DPYD: variants seen among roughly 807,000 people sequenced by gnomAD.
DPYD encodes the protein dihydropyrimidine dehydrogenase, also known as dihydropyrimidine dehydrogenase [NADP(+)].
A neutral mutation model predicts 116.2 loss-of-function variants in DPYD; 109 were observed. The ratio of observed to expected loss-of-function variants is 0.94; its 90% CI spans 0.80 to 1.10. The LOEUF is 1.10. DPYD is among the 50% of genes least tolerant of loss of function. DPYD has a pLI of 0.00. For missense variants in DPYD, 1,302 were observed against 1,254.5 expected (o/e 1.04, Z -0.57); for synonymous variants, 440 against 432.0 (o/e 1.02, Z -0.23).
At chr1:97,846,888 T>C (rs965232456) in intron 2 of DPYD, among the ~76,000 whole-genome samples, 2 of 152,202 alleles carry the variant, frequency 1.3e-5, no homozygotes, top group Admixed American at 1.3e-4. Context: ...CATCGTATGT[T>C]TTCATAACAG....
chr1:97,842,658 G>T (rs1167628186), intron 2 of DPYD, among the ~76,000 whole-genome samples: 1 of 151,902 alleles, frequency 6.6e-6, no homozygotes, highest in Admixed American at 6.6e-5. Flanking sequence ...CTTAAATGTT[G>T]ACTAGTTCTA....
intron 12 of DPYD, among the ~76,000 whole-genome samples, chr1:97,541,938 G>A (rs916304594): frequency 1.3e-4 from 20 of 152,134 alleles, no homozygotes; most frequent in African/African-American, 4.8e-4. Context: ...AACAATTAAG[G>A]TGAAGTCATA....
At chr1:97,582,789 G>C (rs1336576523) in intron 10 of DPYD, among the ~76,000 whole-genome samples, 4 of 152,124 alleles carry the variant, frequency 2.6e-5, no homozygotes, top group African/African-American at 4.8e-5. Context: ...AATGAGAGTT[G>C]TACTACACAT....
Position 97,079,148 on chromosome 1 carries a change from T to G in DPYD, c.2908-2A>C, listed in dbSNP as rs1648982891. 6.2e-7 allele frequency: 1 copy of G among 1,613,254 alleles called. No homozygotes were observed. The highest frequency in any genetic ancestry group is 1.1e-5 in the South Asian group (1 of 91,060). ...GGTTTCTGGATCAAACTGTATAGCC[T>G]GCAAACAGAAATAGAGGGTATTGAT... On this transcript the variant is annotated splice_acceptor_variant, in intron 22 of 22. Coordinates refer to ENST00000370192, the MANE Select transcript of DPYD (RefSeq NM_000110.4). LOFTEE classifies it high-confidence loss of function.
intron 13 of DPYD, among the ~76,000 whole-genome samples, chr1:97,492,433 C>T (rs1458222375): frequency 6.6e-6 from 1 of 152,040 alleles, no homozygotes; most frequent in South Asian, 2.1e-4. Context: ...CACTCTACTC[C>T]CTATTCACAT....
chr1:97,468,428 C>T (rs1296772693), intron 13 of DPYD, among the ~76,000 whole-genome samples: 1 of 152,012 alleles, frequency 6.6e-6, no homozygotes, highest in Non-Finnish European at 1.5e-5. Flanking sequence ...GAAGAGACCC[C>T]TAGAGAGACC....
chr1:97,757,140 C>G (rs1665296323), intron 3 of DPYD, among the ~76,000 whole-genome samples: 1 of 152,140 alleles, frequency 6.6e-6, no homozygotes, highest in Non-Finnish European at 1.5e-5. Flanking sequence ...CCTGTTAGGT[C>G]CAGGGTCAAG....
intron 5 of DPYD, chr1:97,720,853 C>A: frequency 6.2e-7 from 1 of 1,605,378 alleles, no homozygotes; most frequent in South Asian, 1.1e-5. Context: ...TAGGAGACGT[C>A]AGAGAGCCCA....
At chr1:97,567,058 G>T (rs1201111299) in intron 11 of DPYD, among the ~76,000 whole-genome samples, 6 of 152,054 alleles carry the variant, frequency 3.9e-5, no homozygotes, top group African/African-American at 1.4e-4. Context: ...AAAGAAAAAT[G>T]GACACATTTG....
intron 1 of DPYD, among the ~76,000 whole-genome samples, chr1:97,894,068 G>T (rs1315558543): frequency 6.6e-6 from 1 of 151,746 alleles, no homozygotes; most frequent in African/African-American, 2.4e-5. Context: ...TTAAACAACA[G>T]ATCTTTATTT....
chr1:97,597,394 G>T (rs764056537), intron 8 of DPYD, among the ~76,000 whole-genome samples: 40 of 152,152 alleles, frequency 2.6e-4, no homozygotes, highest in Non-Finnish European at 4.9e-4. Flanking sequence ...GGGATGATCA[G>T]AAGCAGGGAT....
intron 1 of DPYD, chr1:97,883,944 G>C (rs1571527209): frequency 2.4e-6 from 1 of 419,456 alleles, no homozygotes; most frequent in East Asian, 6.8e-5. Context: ...AAAAAGTTCA[G>C]TATGGGAAAA....
intron 19 of DPYD, among the ~76,000 whole-genome samples, chr1:97,214,754 T>C (rs1352832946): frequency 1.3e-5 from 2 of 152,214 alleles, no homozygotes; most frequent in Non-Finnish European, 2.9e-5. Context: ...TCTGGAGTTG[T>C]TCCACGTGGC....
At chr1:97,655,047 C>T (rs1379951318) in intron 8 of DPYD, among the ~76,000 whole-genome samples, 1 of 152,120 alleles carries the variant, frequency 6.6e-6, no homozygotes, top group African/African-American at 2.4e-5. Context: ...CCGTCCCTCT[C>T]ACAACATGTA....
chr1:97,328,976 T>C (rs1668845546), intron 16 of DPYD, among the ~76,000 whole-genome samples: 1 of 152,212 alleles, frequency 6.6e-6, no homozygotes. Flanking sequence ...ATTTCACATT[T>C]AATTAAAGCT....
chr1:97,155,719 T>C (rs1349344902), intron 20 of DPYD, among the ~76,000 whole-genome samples: 2 of 150,382 alleles, frequency 1.3e-5, no homozygotes, highest in African/African-American at 4.8e-5. Context: ...CTTTAGATTC[T>C]TTTGTGCTAG....
chr1:97,675,754 T>C (rs1660109058), intron 8 of DPYD, among the ~76,000 whole-genome samples: 1 of 150,654 alleles, frequency 6.6e-6, no homozygotes, highest in Admixed American at 6.6e-5. Context: ...AGTATCTCTT[T>C]TTTTTTTTTT....
intron 2 of DPYD, among the ~76,000 whole-genome samples, chr1:97,880,484 T>A (rs1297054585): frequency 2.0e-5 from 3 of 151,870 alleles, no homozygotes; most frequent in Admixed American, 2.0e-4. Context: ...ACACCGAGAA[T>A]AACTTTCAAC....
At chr1:97,413,627 C>A (rs926983951) in intron 14 of DPYD, among the ~76,000 whole-genome samples, 1 of 152,008 alleles carries the variant, frequency 6.6e-6, no homozygotes, top group Non-Finnish European at 1.5e-5. Context: ...CCCATGCCAC[C>A]ACACCTGCCT....
Sources: allele counts gnomAD v4.1 joint callset (sites outside exome capture counted in the v4.1 genomes callset), GRCh38; gene constraint gnomAD v4.1.1; transcripts MANE v1.5; gene names NCBI Gene and HGNC (gene_info 2026-07-23, HGNC 2026-07-21).